The following CEACAM19 variants were observed in gnomAD, a reference collection of about 807,000 sequenced individuals.
The protein encoded by CEACAM19 is CEA cell adhesion molecule 19, also known as cell adhesion molecule CEACAM19.
Under a neutral mutation model 37.6 loss-of-function variants are expected in CEACAM19, and 37 were observed. The ratio of observed to expected loss-of-function variants is 0.98; its 90% CI spans 0.76 to 1.29. The LOEUF is 1.29. Ranked by LOEUF, CEACAM19 falls within the 50% of genes most tolerant of loss-of-function variation. The probability of loss-of-function intolerance (pLI) is 0.00; values close to 1 mark genes in which losing one functional copy is unlikely to be tolerated. For missense variants in CEACAM19, 340 were observed against 375.6 expected (o/e 0.91, Z 0.78); for synonymous variants, 140 against 149.8 (o/e 0.93, Z 0.48).
At chr19:44,667,985 T>A (rs1215278151), upstream of CEACAM19, among the ~76,000 whole-genome samples, 1 of 36,234 alleles carries the variant, frequency 2.8e-5, no homozygotes, top group East Asian at 1.1e-3. Context: ...ATATTATAAA[T>A]ATAGTATATA....
intron 1 of CEACAM19, 51 bp downstream of exon 1, chr19:44,672,037 C>A: frequency 6.8e-7 from 1 of 1,465,372 alleles, no homozygotes; most frequent in Non-Finnish European, 9.4e-7. Flanking sequence ...GGGACTCAGC[C>A]CAGAGATTGA....
intron 3 of CEACAM19, 73 bp downstream of exon 3, chr19:44,676,494 G>C: frequency 6.8e-7 from 1 of 1,460,308 alleles, no homozygotes; most frequent in Non-Finnish European, 9.5e-7. Flanking sequence ...TCTTCCACAA[G>C]TCACATCATC....
rs1568516136 is a variant in CEACAM19 at position 44,676,408 on chromosome 19, G to A, written c.562G>A (p.Gly188Ser). 1 of 1,613,984 alleles carries A rather than the reference G, an allele frequency of 6.2e-7. No homozygotes were observed. Among genetic ancestry groups the A allele is most frequent in the East Asian group, 2.2e-5 (1 of 44,876 alleles). ...AYLLVTRNWRGQSHRLPAPRG... is the reference protein window; with the variant it reads ...AYLLVTRNWRSQSHRLPAPRG... ...TCTCCTGGTGACAAGGAACTGGAGG[G>A]GCCAGAGCCACAGGTACAGGGTCCC... Residue 188 changes from glycine to serine, a missense_variant, in exon 3 of 8, where the codon GGC becomes AGC. By Grantham distance (56) the Gly-to-Ser change is moderately conservative. Coordinates refer to ENST00000358777, the MANE Select transcript of CEACAM19 (RefSeq NM_001127893.3).
chr19:44,675,838 A>G (rs1039632086), intron 2 of CEACAM19, among the ~76,000 whole-genome samples: 2 of 152,084 alleles, frequency 1.3e-5, no homozygotes, highest in African/African-American at 2.4e-5. Flanking sequence ...GGAGCATGTC[A>G]GCAAGCAGAT....
At chr19:44,679,426 G>A (rs1974013847) in intron 4 of CEACAM19, among the ~76,000 whole-genome samples, 1 of 152,086 alleles carries the variant, frequency 6.6e-6, no homozygotes, top group Non-Finnish European at 1.5e-5. Flanking sequence ...TGAACATGGT[G>A]AAACCCTGTC....
upstream of CEACAM19, chr19:44,667,005 C>A (rs1268424777): frequency 6.6e-6 from 1 of 151,760 alleles, no homozygotes. Context: ...CCACAAAATA[C>A]CCCAGCCATA....
chr19:44,678,549 TAC>T (rs1324506006), intron 3 of CEACAM19: 1 of 207,896 alleles, frequency 4.8e-6, no homozygotes, highest in Non-Finnish European at 9.6e-6. Flanking sequence ...TAGCTGGAAT[TAC>T]AGGCACCCAC....
chr19:44,678,907 C>G lies in CEACAM19; in HGVS notation c.630C>G (p.Ser210=). Reference sequence around the variant, plus strand: ...TGTCCATCTTGTGCTCGGCTGTATCCCCAGTGCCTTCAGTGACGCCCAGCA... The same window carrying G: ...TGTCCATCTTGTGCTCGGCTGTATCGCCAGTGCCTTCAGTGACGCCCAGCA... ...GSLSILCSAV[S]PVPSVTPSTW... The change falls in exon 4 of 8, where the codon TCC becomes TCG. Residue 210 remains serine, a synonymous_variant. Transcript: ENST00000358777. 6.2e-7 allele frequency: 1 copy of G among 1,613,992 alleles called. No individual in the cohort carries two copies. Among genetic ancestry groups the G allele is most frequent in the Non-Finnish European group, 8.5e-7 (1 of 1,179,990 alleles).
At position 44,678,907 on chromosome 19, in the gene CEACAM19, C is replaced by T; in HGVS notation, c.630C>T (p.Ser210=). ...GSLSILCSAV[S]PVPSVTPSTW... is the part of the protein sequence containing the mutation. Reference sequence around the variant, plus strand: ...TGTCCATCTTGTGCTCGGCTGTATCCCCAGTGCCTTCAGTGACGCCCAGCA... The same window carrying T: ...TGTCCATCTTGTGCTCGGCTGTATCTCCAGTGCCTTCAGTGACGCCCAGCA... Residue 210 remains serine (S), a synonymous_variant, in exon 4 of 8, where the codon TCC becomes TCT. Transcript: ENST00000358777. The T allele has an allele frequency of 6.2e-7, 1 of 1,613,992 alleles. No individual in the cohort carries two copies.
At chr19:44,677,137 G>C (rs1973964175) in intron 3 of CEACAM19, among the ~76,000 whole-genome samples, 1 of 152,112 alleles carries the variant, frequency 6.6e-6, no homozygotes, top group African/African-American at 2.4e-5. Context: ...AGACCACCTT[G>C]TTCCTGGTAG....
chr19:44,683,356 T>C, intron 7 of CEACAM19, 81 bp from the exon 8 acceptor site: 1 of 622,632 alleles, frequency 1.6e-6, no homozygotes, highest in East Asian at 2.9e-5. Flanking sequence ...ACGCTGTCTC[T>C]CATCCTCTGT....
chr19:44,681,189 C>T (rs1974051196), intron 5 of CEACAM19, 38 bp from the exon 6 acceptor site: 2 of 1,433,474 alleles, frequency 1.4e-6, no homozygotes, highest in African/African-American at 1.4e-5. Context: ...CTGTGGGGCC[C>T]ATGTGTCAGC....
At chr19:44,668,136 A>AATATATTATATG (rs1973772884), upstream of CEACAM19, among the ~76,000 whole-genome samples, 1 of 85,608 alleles carries the variant, frequency 1.2e-5, no homozygotes, top group Non-Finnish European at 2.0e-5. Flanking sequence ...ATTTTTATAT[A>AATATATTATATG]ATATATTATA....
upstream of CEACAM19, among the ~76,000 whole-genome samples, chr19:44,667,668 A>AT (rs1491274511): frequency 2.5e-4 from 21 of 82,882 alleles, no homozygotes; most frequent in East Asian, 5.4e-4. Flanking sequence ...ATATAAATAT[A>AT]AATATATATT....
chr19:44,668,895 C>T (rs191492383), upstream of CEACAM19, among the ~76,000 whole-genome samples: 672 of 141,144 alleles, frequency 4.8e-3, 2 homozygotes, highest in African/African-American at 0.017. Flanking sequence ...TCTTGGCTCA[C>T]TATAACCTCC....
chr19:44,678,377 C>T (rs534786194), intron 3 of CEACAM19: 1 of 152,728 alleles, frequency 6.5e-6, no homozygotes, highest in East Asian at 1.9e-4. Context: ...TCTCAGCCCC[C>T]CAAGTAGCTG....
chr19:44,671,822 C>A lies in CEACAM19; in HGVS notation c.-110C>A. ...GCCAGCCCCAGCGGTGTCTCTAAGG[C>A]ACCCCTGGGATCCCCACTGAGCTGG... is the stretch of plus-strand genomic sequence containing the variant. On this transcript the variant is annotated 5_prime_UTR_variant, in exon 1 of 8. Transcript: ENST00000358777. 1.1e-6 allele frequency: 1 copy of A among 899,666 alleles called. No individual in the cohort carries two copies. Among genetic ancestry groups the A allele is most frequent in the South Asian group, 1.5e-5 (1 of 66,324 alleles). 55.7% of individuals were successfully genotyped at this position (899,666 alleles called of 1,614,324 possible).
chr19:44,683,055 ACTCT>A (rs3028346), intron 7 of CEACAM19: 25,057 of 150,394 alleles, frequency 0.17, 1,550 homozygotes, highest in Admixed American at 0.25. Context: ...CCTTTCTTGG[ACTCT>A]CTCTCTCTCT....
intron 7 of CEACAM19, 108 bp downstream of exon 7, chr19:44,682,728 C>A: frequency 9.8e-7 from 1 of 1,019,938 alleles, no homozygotes; most frequent in Non-Finnish European, 1.4e-6. Flanking sequence ...CTTTCCTCCC[C>A]TCGTCCCCCC....
Sources: gnomAD v4.1 joint callset for allele counts (sites outside exome capture counted in the v4.1 genomes callset) on GRCh38, gnomAD v4.1.1 for gene constraint, MANE v1.5 for transcripts, NCBI Gene and HGNC (gene_info 2026-07-23, HGNC 2026-07-21) for gene names.